Variants in MALRD1 observed in about 807,000 individuals in gnomAD.
The protein encoded by MALRD1 is MAM and LDL receptor class A domain containing 1.
Under a neutral mutation model 242.1 loss-of-function variants are expected in MALRD1, and 247 were observed. The observed-to-expected ratio is 1.02, with a 90% CI of 0.92 to 1.13. The LOEUF (loss-of-function observed/expected upper bound fraction) is 1.13, where lower values mean the gene tolerates loss of function less well. Ranked by LOEUF, MALRD1 falls within the 50% of genes most tolerant of loss-of-function variation. The pLI, the probability that MALRD1 is intolerant of heterozygous loss-of-function variation, is 0.00. For missense variants in MALRD1, 2,989 were observed against 2,533.1 expected (o/e 1.18, Z -3.86); for synonymous variants, 995 against 866.6 (o/e 1.15, Z -2.60).
At chr10:19,592,707 C>T (rs542989578) in intron 33 of MALRD1, among the ~76,000 whole-genome samples, 4 of 150,322 alleles carry the variant, frequency 2.7e-5, no homozygotes, top group Admixed American at 6.7e-5. Context: ...TTTGCATATC[C>T]ACTATAAGGA....
chr10:19,715,924 A>T (rs1242962195), intron 38 of MALRD1, among the ~76,000 whole-genome samples: 1 of 152,114 alleles, frequency 6.6e-6, no homozygotes, highest in Non-Finnish European at 1.5e-5. Flanking sequence ...TTCATGGGGG[A>T]TCTGCCCCCA....
chr10:19,083,549 A>T (rs1247882614), intron 2 of MALRD1, among the ~76,000 whole-genome samples: 1 of 152,004 alleles, frequency 6.6e-6, no homozygotes, highest in Non-Finnish European at 1.5e-5. Context: ...CCTTATGTAG[A>T]AAAAGCATTT....
intron 26 of MALRD1, among the ~76,000 whole-genome samples, chr10:19,364,389 C>T (rs1221712561): frequency 6.6e-6 from 1 of 152,058 alleles, no homozygotes; most frequent in African/African-American, 2.4e-5. Flanking sequence ...TGTTCCTTAG[C>T]ACTCACAATT....
At chr10:19,529,934 A>G (rs1390114903) in intron 31 of MALRD1, among the ~76,000 whole-genome samples, 1 of 152,112 alleles carries the variant, frequency 6.6e-6, no homozygotes, top group Admixed American at 6.5e-5. Flanking sequence ...AATATGTTCT[A>G]TGTACATGCA....
intron 36 of MALRD1, among the ~76,000 whole-genome samples, chr10:19,630,256 A>G (rs1047054255): frequency 6.6e-6 from 1 of 152,202 alleles, no homozygotes; most frequent in African/African-American, 2.4e-5. Context: ...GAGTTTTTAT[A>G]TATGGTTATA....
At chr10:19,399,347 T>C (rs995230053) in intron 28 of MALRD1, among the ~76,000 whole-genome samples, 2 of 152,236 alleles carry the variant, frequency 1.3e-5, no homozygotes, top group African/African-American at 4.8e-5. Context: ...AGGGCATTGC[T>C]TGAAAAATTG....
chr10:19,572,674 A>G (rs1438350195), intron 33 of MALRD1, among the ~76,000 whole-genome samples: 1 of 152,182 alleles, frequency 6.6e-6, no homozygotes, highest in Non-Finnish European at 1.5e-5. Flanking sequence ...GATGTAATTA[A>G]GATGTAAATT....
chr10:19,387,258 G>C (rs941343787), intron 26 of MALRD1, among the ~76,000 whole-genome samples: 3 of 151,134 alleles, frequency 2.0e-5, no homozygotes, highest in African/African-American at 4.9e-5. Context: ...GTTGCATTTG[G>C]GGAGATGGAG....
intron 36 of MALRD1, among the ~76,000 whole-genome samples, chr10:19,666,093 G>C (rs987177829): frequency 1.4e-4 from 22 of 152,050 alleles, no homozygotes; most frequent in African/African-American, 5.1e-4. Flanking sequence ...AAAGCCACAA[G>C]CTTCTTTGAG....
At chr10:19,632,365 A>C (rs1235158664) in intron 36 of MALRD1, among the ~76,000 whole-genome samples, 1 of 152,130 alleles carries the variant, frequency 6.6e-6, no homozygotes, top group Non-Finnish European at 1.5e-5. Context: ...GCAGGAAGCC[A>C]GCCAACCAGG....
At chr10:19,320,445 C>T (rs1014088035) in intron 21 of MALRD1, among the ~76,000 whole-genome samples, 1 of 151,934 alleles carries the variant, frequency 6.6e-6, no homozygotes, top group Non-Finnish European at 1.5e-5. Flanking sequence ...GTATATGTGC[C>T]AAATTTTCTT....
At chr10:19,477,373 T>C (rs1836785666) in intron 29 of MALRD1, among the ~76,000 whole-genome samples, 1 of 152,248 alleles carries the variant, frequency 6.6e-6, no homozygotes, top group Middle Eastern at 3.4e-3. Flanking sequence ...TCAAAGTTAC[T>C]TGGGGGATTT....
chr10:19,159,585 A>T (rs1159958177), intron 12 of MALRD1, among the ~76,000 whole-genome samples: 2 of 152,210 alleles, frequency 1.3e-5, no homozygotes, highest in East Asian at 3.9e-4. Context: ...GGAAGTTGAG[A>T]AAATTGGCAG....
chr10:19,406,497 T>A (rs142766846), intron 28 of MALRD1, among the ~76,000 whole-genome samples: 16 of 152,278 alleles, frequency 1.1e-4, no homozygotes, highest in African/African-American at 3.8e-4. Context: ...CTCGATGAGA[T>A]CCCGTCAGGT....
At chr10:19,559,218 T>A (rs1436292823) in intron 32 of MALRD1, among the ~76,000 whole-genome samples, 1 of 151,774 alleles carries the variant, frequency 6.6e-6, no homozygotes, top group Non-Finnish European at 1.5e-5. Flanking sequence ...ATAATATTTT[T>A]CATTACCCTT....
At chr10:19,583,429 A>G (rs1259742679) in intron 33 of MALRD1, among the ~76,000 whole-genome samples, 2 of 150,876 alleles carry the variant, frequency 1.3e-5, no homozygotes, top group Non-Finnish European at 3.0e-5. Context: ...AGTTTTTAGC[A>G]TGAAGGGTTG....
intron 20 of MALRD1, among the ~76,000 whole-genome samples, chr10:19,281,091 G>C (rs1335965372): frequency 1.3e-5 from 2 of 151,548 alleles, no homozygotes; most frequent in South Asian, 2.1e-4. Context: ...TTTTAATCTA[G>C]AAAAAAATGT....
chr10:19,141,133 A>G (rs1434093559), intron 10 of MALRD1, among the ~76,000 whole-genome samples: 2 of 152,198 alleles, frequency 1.3e-5, no homozygotes, highest in Admixed American at 6.5e-5. Flanking sequence ...AAAAATCTCT[A>G]TCAAAATAAT....
intron 19 of MALRD1, among the ~76,000 whole-genome samples, chr10:19,277,966 C>T (rs1294802523): frequency 1.3e-5 from 2 of 152,104 alleles, no homozygotes; most frequent in Non-Finnish European, 2.9e-5. Context: ...GTTAGAGCAA[C>T]CTACAATTCA....
Sources: allele counts gnomAD v4.1 joint callset (sites outside exome capture counted in the v4.1 genomes callset), GRCh38; gene constraint gnomAD v4.1.1; transcripts MANE v1.5; gene names NCBI Gene and HGNC (gene_info 2026-07-23, HGNC 2026-07-21).